ARHGEF38: variants seen among roughly 807,000 people sequenced by gnomAD.
The protein encoded by ARHGEF38 is Rho guanine nucleotide exchange factor 38, also known as Rho guanine nucleotide exchange factor (GEF) 38.
A neutral mutation model predicts 79.9 loss-of-function variants in ARHGEF38; 79 were observed. The ratio of observed to expected loss-of-function variants is 0.99; its 90% confidence interval spans 0.82 to 1.19. The LOEUF (loss-of-function observed/expected upper bound fraction) is 1.19, where lower values mean the gene tolerates loss of function less well. ARHGEF38 is among the 50% of genes most tolerant of loss of function. The probability of loss-of-function intolerance (pLI) is 0.00; values close to 1 mark genes in which losing one functional copy is unlikely to be tolerated. For synonymous variants in ARHGEF38, 366 were observed against 328.3 expected, an observed-to-expected ratio of 1.11 and a Z score of -1.24; for missense variants, 962 against 907.2, an observed-to-expected ratio of 1.06 and a Z score of -0.78.
At chr4:105,593,983 A>C (rs1238270211) in intron 2 of ARHGEF38, among the ~76,000 whole-genome samples, 1 of 152,250 alleles carries the variant, frequency 6.6e-6, no homozygotes, top group East Asian at 1.9e-4. Context: ...TGAATTGTTT[A>C]TAGGTTGTTG....
chr4:105,653,608 A>G (rs1364394154), intron 7 of ARHGEF38, among the ~76,000 whole-genome samples: 1 of 152,222 alleles, frequency 6.6e-6, no homozygotes, highest in African/African-American at 2.4e-5. Context: ...GGCCACATTT[A>G]TTTAACCATG....
intron 9 of ARHGEF38, among the ~76,000 whole-genome samples, chr4:105,656,638 T>C (rs1274663538): frequency 6.6e-6 from 1 of 152,194 alleles, no homozygotes; most frequent in Non-Finnish European, 1.5e-5. Context: ...TCAAGAATTA[T>C]AGAGAAGATA....
At chr4:105,677,504 A>G (rs1243415945) in intron 13 of ARHGEF38, among the ~76,000 whole-genome samples, 1 of 152,196 alleles carries the variant, frequency 6.6e-6, no homozygotes, top group Non-Finnish European at 1.5e-5. Context: ...TTTAATAGAA[A>G]CTGCCAAGTT....
intron 1 of ARHGEF38, chr4:105,561,449 G>GGAATAGAATAGAATAGAATA (rs1163338378): frequency 8.8e-5 from 4 of 45,612 alleles, no homozygotes; most frequent in East Asian, 5.6e-4. Context: ...AGAATAGAAT[G>GGAATAGAATAGAATAGAATA]GAATAGAATA....
intron 6 of ARHGEF38, among the ~76,000 whole-genome samples, chr4:105,645,937 A>C (rs1389480791): frequency 2.0e-5 from 3 of 152,216 alleles, no homozygotes; most frequent in Non-Finnish European, 2.9e-5. Context: ...GCTAAAATAT[A>C]AAATTAGTGT....
intron 1 of ARHGEF38, among the ~76,000 whole-genome samples, chr4:105,588,177 G>T (rs1419874745): frequency 6.6e-6 from 1 of 152,098 alleles, no homozygotes; most frequent in African/African-American, 2.4e-5. Flanking sequence ...TTCATACATT[G>T]TGACCTGTAC....
intron 3 of ARHGEF38, among the ~76,000 whole-genome samples, chr4:105,616,042 C>A (rs1392890696): frequency 6.6e-6 from 1 of 152,028 alleles, no homozygotes; most frequent in Non-Finnish European, 1.5e-5. Flanking sequence ...CATCGGGATG[C>A]CAGTCAGTGG....
At chr4:105,669,625 T>C (rs1730892581) in intron 13 of ARHGEF38, among the ~76,000 whole-genome samples, 1 of 152,156 alleles carries the variant, frequency 6.6e-6, no homozygotes, top group Admixed American at 6.5e-5. Flanking sequence ...ATATCTTATA[T>C]TCATGTCATA....
intron 7 of ARHGEF38, among the ~76,000 whole-genome samples, 166 bp downstream of exon 7, chr4:105,648,848 T>TTCTCTC: frequency 9.2e-6 from 1 of 108,642 alleles, no homozygotes; most frequent in East Asian, 2.3e-4. Context: ...CTCTCTCTCT[T>TTCTCTC]TCTCTCTCTC....
intron 2 of ARHGEF38, among the ~76,000 whole-genome samples, chr4:105,591,572 A>G (rs1189337205): frequency 2.0e-5 from 3 of 152,214 alleles, no homozygotes; most frequent in Non-Finnish European, 4.4e-5. Context: ...CATATTAGGG[A>G]AAACCAGTAT....
intron 3 of ARHGEF38, among the ~76,000 whole-genome samples, chr4:105,619,011 A>C (rs1027282127): frequency 1.3e-5 from 2 of 152,234 alleles, no homozygotes; most frequent in Admixed American, 6.5e-5. Flanking sequence ...ATTGAAAACT[A>C]TGATTTACAG....
At chr4:105,624,514 AG>A (rs1728865082) in intron 3 of ARHGEF38, among the ~76,000 whole-genome samples, 1 of 152,178 alleles carries the variant, frequency 6.6e-6, no homozygotes, top group African/African-American at 2.4e-5. Flanking sequence ...AACCCTAGCC[AG>A]GGTCTCTTGG....
intron 2 of ARHGEF38, among the ~76,000 whole-genome samples, chr4:105,594,943 A>G (rs969550953): frequency 1.3e-5 from 2 of 152,228 alleles, no homozygotes; most frequent in Non-Finnish European, 2.9e-5. Context: ...CAGGGCAGTG[A>G]GAGATACTCT....
At chr4:105,571,497 T>A (rs756033841) in intron 1 of ARHGEF38, among the ~76,000 whole-genome samples, 3 of 151,926 alleles carry the variant, frequency 2.0e-5, no homozygotes, top group Non-Finnish European at 4.4e-5. Context: ...TAATTTTTTG[T>A]ATTTTTAGTA....
At chr4:105,624,962 A>T (rs950809332) in intron 3 of ARHGEF38, among the ~76,000 whole-genome samples, 9 of 152,180 alleles carry the variant, frequency 5.9e-5, no homozygotes, top group African/African-American at 2.2e-4. Flanking sequence ...AGAGTGGGCC[A>T]TCTCTACCCT....
intron 1 of ARHGEF38, among the ~76,000 whole-genome samples, chr4:105,553,952 C>A (rs1166137416): frequency 6.6e-6 from 1 of 151,896 alleles, no homozygotes; most frequent in Non-Finnish European, 1.5e-5. Flanking sequence ...CAAATATGAG[C>A]TTAGATTTAG....
At chr4:105,555,025 A>C (rs1725187839) in intron 1 of ARHGEF38, among the ~76,000 whole-genome samples, 1 of 152,180 alleles carries the variant, frequency 6.6e-6, no homozygotes, top group Admixed American at 6.6e-5. Context: ...AATTTTTGCT[A>C]TTCACAAATT....
intron 10 of ARHGEF38, among the ~76,000 whole-genome samples, chr4:105,660,686 C>T (rs1044989015): frequency 2.0e-5 from 3 of 152,132 alleles, no homozygotes; most frequent in South Asian, 2.1e-4. Flanking sequence ...GTGATCCACT[C>T]GCCTCGGCCT....
chr4:105,562,965 G>C (rs1437092574), intron 1 of ARHGEF38, among the ~76,000 whole-genome samples: 7 of 152,154 alleles, frequency 4.6e-5, no homozygotes, highest in East Asian at 1.9e-4. Flanking sequence ...TTTTGGAGTT[G>C]TCTCCAGTGT....
Sources: gnomAD v4.1 joint callset for allele counts (sites outside exome capture counted in the v4.1 genomes callset) on GRCh38, gnomAD v4.1.1 for gene constraint, MANE v1.5 for transcripts, NCBI Gene and HGNC (gene_info 2026-07-23, HGNC 2026-07-21) for gene names.